Variants in RAPGEF2 observed in about 807,000 individuals in gnomAD.
RAPGEF2 encodes PDZ domain containing guanine nucleotide exchange factor (GEF) 1.
A neutral mutation model predicts 186.7 loss-of-function variants in RAPGEF2; 54 were observed. That is an observed-to-expected ratio of 0.29 (90% CI 0.23 to 0.36). RAPGEF2 has a LOEUF of 0.36. Ranked by LOEUF, RAPGEF2 falls within the 10% of genes least tolerant of loss-of-function variation. The pLI is 1.00. For synonymous variants in RAPGEF2, 712 were observed against 705.9 expected (o/e 1.01, Z -0.14); for missense variants, 1,532 against 2,045.0 (o/e 0.75, Z 4.84).
chr4:159,135,724 T>C (rs937821353), intron 1 of RAPGEF2, among the ~76,000 whole-genome samples: 45 of 152,092 alleles, frequency 3.0e-4, no homozygotes, highest in African/African-American at 1.0e-3. Context: ...CTCAGCCTCC[T>C]GAGTAGCTGG....
intron 3 of RAPGEF2, among the ~76,000 whole-genome samples, chr4:159,204,299 T>C (rs1355592428): frequency 6.6e-6 from 1 of 152,184 alleles, no homozygotes; most frequent in African/African-American, 2.4e-5. Flanking sequence ...TTTTGAGCCA[T>C]CTCTTAAGGT....
Position 159,164,616 on chromosome 4 carries a change from A to C in RAPGEF2, c.70-22026A>C, listed in dbSNP as rs149051513. Among the ~76,000 whole-genome samples the C allele has an allele frequency of 2.9e-3, 447 of 152,226 alleles. 2 individuals are homozygous for C. The highest frequency in any genetic ancestry group is 9.5e-3 in the African/African-American group (395 of 41,548). ...ATATTCAGCACAGTGTCTGGCATAT[A>C]ATAGGTAGTTATTGTTGATAAATCA... On this transcript the variant is annotated intron_variant, in intron 1 of 29. Transcript: ENST00000691494.
At chr4:159,161,074 AAG>A (rs1251940416) in intron 1 of RAPGEF2, among the ~76,000 whole-genome samples, 2 of 152,180 alleles carry the variant, frequency 1.3e-5, no homozygotes, top group Admixed American at 6.5e-5. Context: ...TAAAAGAAAA[AAG>A]TACCTTAAAT....
intron 7 of RAPGEF2, among the ~76,000 whole-genome samples, chr4:159,246,286 G>A (rs943145324): frequency 8.6e-5 from 13 of 152,046 alleles, no homozygotes; most frequent in African/African-American, 2.7e-4. Flanking sequence ...TTAATATAAT[G>A]TAAATTGAAT....
At chr4:159,118,214 C>T (rs1396587830) in intron 1 of RAPGEF2, among the ~76,000 whole-genome samples, 1 of 152,106 alleles carries the variant, frequency 6.6e-6, no homozygotes, top group African/African-American at 2.4e-5. Context: ...AGCTCCGCCT[C>T]CTGTCAGATT....
chr4:159,245,142 C>T (rs1279365214), intron 7 of RAPGEF2, among the ~76,000 whole-genome samples: 5 of 151,934 alleles, frequency 3.3e-5, no homozygotes, highest in African/African-American at 7.2e-5. Context: ...CTTTAATGTA[C>T]ACTTTTTAAA....
At chr4:159,315,727 A>T (rs1764509173) in intron 9 of RAPGEF2, among the ~76,000 whole-genome samples, 1 of 152,146 alleles carries the variant, frequency 6.6e-6, no homozygotes, top group Admixed American at 6.5e-5. Context: ...GCAGAGAGAG[A>T]GAGGAGACAA....
intron 3 of RAPGEF2, among the ~76,000 whole-genome samples, chr4:159,207,128 A>G (rs147545790): frequency 2.0e-4 from 31 of 152,220 alleles, no homozygotes; most frequent in Non-Finnish European, 4.4e-4. Context: ...AACTCTTGCA[A>G]GTTAGCTTTG....
At chr4:159,319,244 G>GA (rs761811166) in intron 9 of RAPGEF2, among the ~76,000 whole-genome samples, 6 of 152,162 alleles carry the variant, frequency 3.9e-5, no homozygotes, top group Non-Finnish European at 8.8e-5. Context: ...AGTGAAAGGT[G>GA]AGGGAGCATT....
intron 7 of RAPGEF2, among the ~76,000 whole-genome samples, chr4:159,252,720 C>G (rs894743206): frequency 6.6e-6 from 1 of 152,224 alleles, no homozygotes; most frequent in Non-Finnish European, 1.5e-5. Flanking sequence ...CAGTTGATAA[C>G]TGCATTCTTT....
intron 1 of RAPGEF2, among the ~76,000 whole-genome samples, chr4:159,115,086 A>T (rs912712187): frequency 2.0e-5 from 3 of 152,184 alleles, no homozygotes; most frequent in African/African-American, 7.2e-5. Flanking sequence ...CATTTAGGTT[A>T]TAAAGTCAGC....
chr4:159,340,707 A>ACACAC (rs869035959), intron 19 of RAPGEF2, among the ~76,000 whole-genome samples: 1 of 140,696 alleles, frequency 7.1e-6, no homozygotes, highest in Admixed American at 7.0e-5. Context: ...ACACACACAC[A>ACACAC]TTTATGGAAT....
At chr4:159,211,238 G>T (rs775642181) in intron 4 of RAPGEF2, among the ~76,000 whole-genome samples, 14 of 152,126 alleles carry the variant, frequency 9.2e-5, no homozygotes, top group Non-Finnish European at 1.6e-4. Context: ...TGGGGCGGAT[G>T]TATTCCTCTG....
At position 159,235,681 on chromosome 4, in the gene RAPGEF2, C is replaced by T. The variant is rs76349702; in HGVS notation, c.282-3128C>T. Among the ~76,000 whole-genome samples the T allele has an allele frequency of 7.9e-3, 1,206 of 152,220 alleles. 15 individuals carry two copies. The highest frequency in any genetic ancestry group is 0.027 in the African/African-American group (1,132 of 41,512). On this transcript the variant is annotated intron_variant, in intron 4 of 29. Coordinates refer to ENST00000691494, the MANE Select transcript of RAPGEF2 (RefSeq NM_001394067.2). ...CTTTATCTGTTGCCTTTAAGTCTGT[C>T]CTTATTTTCCAGAGCTGAATTTTTT...
At chr4:159,278,338 T>C (rs1362403239) in intron 7 of RAPGEF2, among the ~76,000 whole-genome samples, 2 of 152,138 alleles carry the variant, frequency 1.3e-5, no homozygotes, top group Non-Finnish European at 2.9e-5. Flanking sequence ...CAGGATAGAA[T>C]GGGGTTGAAG....
chr4:159,270,167 A>G (rs1757945821), intron 7 of RAPGEF2, among the ~76,000 whole-genome samples: 2 of 152,242 alleles, frequency 1.3e-5, no homozygotes, highest in South Asian at 4.1e-4. Flanking sequence ...TGTCACATGC[A>G]GCAGAGTTGG....
At chr4:159,322,538 A>G (rs1765361841) in intron 10 of RAPGEF2, 55 bp downstream of exon 10, 2 of 1,494,532 alleles carry the variant, frequency 1.3e-6, no homozygotes, top group East Asian at 4.6e-5. Flanking sequence ...ATCTCAATAC[A>G]GCAATTGAAC....
At chr4:159,312,824 G>A (rs1163391246) in intron 8 of RAPGEF2, among the ~76,000 whole-genome samples, 2 of 152,300 alleles carry the variant, frequency 1.3e-5, no homozygotes, top group Middle Eastern at 6.8e-3. Flanking sequence ...TATGAACCGG[G>A]ACTTTACAAA....
At chr4:159,237,691 T>G (rs1753428883) in intron 4 of RAPGEF2, among the ~76,000 whole-genome samples, 1 of 151,836 alleles carries the variant, frequency 6.6e-6, no homozygotes, top group African/African-American at 2.4e-5. Context: ...TTCTTAAAGA[T>G]AAGTTTATTA....
Sources: gnomAD v4.1 joint callset for allele counts (sites outside exome capture counted in the v4.1 genomes callset) on GRCh38, gnomAD v4.1.1 for gene constraint, MANE v1.5 for transcripts, NCBI Gene and HGNC (gene_info 2026-07-23, HGNC 2026-07-21) for gene names.